The following SLC49A4 variants were observed in gnomAD, a reference collection of about 807,000 sequenced individuals.
SLC49A4 encodes solute carrier family 49 member 4, also known as disrupted in renal cancer protein 2.
Under a neutral mutation model 50.6 loss-of-function variants are expected in SLC49A4, and 36 were observed. The ratio of observed to expected loss-of-function variants is 0.71; its 90% CI spans 0.55 to 0.94. The LOEUF is 0.94. Among genes scored for constraint, SLC49A4 ranks in the 40% least tolerant of loss-of-function variants. The pLI, the probability that SLC49A4 is intolerant of heterozygous loss-of-function variation, is 0.00. For missense variants in SLC49A4, 503 were observed against 605.7 expected (o/e 0.83, Z 1.78); for synonymous variants, 248 against 241.2 (o/e 1.03, Z -0.26).
chr3:122,837,409 T>C (rs1475665859), intron 4 of SLC49A4, among the ~76,000 whole-genome samples: 2 of 152,054 alleles, frequency 1.3e-5, no homozygotes, highest in Non-Finnish European at 2.9e-5. Context: ...TAATGCCGCA[T>C]ATCTACAACT....
chr3:122,875,325 T>G (rs1407645216), intron 8 of SLC49A4, among the ~76,000 whole-genome samples: 1 of 152,170 alleles, frequency 6.6e-6, no homozygotes, highest in African/African-American at 2.4e-5. Context: ...AAAATTCAAC[T>G]ATTAGTTATG....
intron 1 of SLC49A4, among the ~76,000 whole-genome samples, chr3:122,804,503 A>C (rs16833532): frequency 0.042 from 6,401 of 152,280 alleles, 442 homozygotes; most frequent in African/African-American, 0.14. Flanking sequence ...ACATGGAATT[A>C]TAGAGTTATG....
chr3:122,833,571 A>C, intron 4 of SLC49A4, 125 bp downstream of exon 4: 1 of 802,794 alleles, frequency 1.2e-6, no homozygotes, highest in Non-Finnish European at 1.8e-6. Flanking sequence ...AGTAATTGAT[A>C]AAATACTAAT....
At chr3:122,796,153 G>A (rs1936035740) in intron 1 of SLC49A4, among the ~76,000 whole-genome samples, 1 of 152,146 alleles carries the variant, frequency 6.6e-6, no homozygotes, top group Non-Finnish European at 1.5e-5. Context: ...TGCTTAGAAT[G>A]GTACCCTGGA....
chr3:122,831,474 G>A (rs536026036), intron 3 of SLC49A4, among the ~76,000 whole-genome samples: 1 of 152,134 alleles, frequency 6.6e-6, no homozygotes, highest in African/African-American at 2.4e-5. Flanking sequence ...CAACATGAAT[G>A]ACCCTTGAGA....
At chr3:122,871,618 A>G (rs1269640738) in intron 7 of SLC49A4, among the ~76,000 whole-genome samples, 1 of 152,144 alleles carries the variant, frequency 6.6e-6, no homozygotes, top group Non-Finnish European at 1.5e-5. Context: ...TAGGTTTCTA[A>G]ATAGGGTATC....
Position 122,860,131 on chromosome 3 carries a change from G to C in SLC49A4, c.1067G>C (p.Gly356Ala). 2.5e-6 allele frequency: 4 copies of C among 1,613,294 alleles called. No individual in the cohort carries two copies. Among genetic ancestry groups the C allele is most frequent in the Non-Finnish European group, 3.4e-6 (4 of 1,179,620 alleles). ...LKLILLLLFS[G>A]ATLSSTWFTL... The stretch of plus-strand genomic sequence containing the variant: ...CTAATTCTTCTCCTCCTGTTTTCGG[G>C]AGCTACACTGTCATCCACGTGGTTC... The change falls in exon 7 of 9, where the codon GGA becomes GCA. Residue 356 changes from glycine (G) to alanine (A), a missense_variant. Physicochemically the swap from Gly to Ala is moderately conservative, Grantham distance 60. Coordinates refer to ENST00000261038, the MANE Select transcript of SLC49A4 (RefSeq NM_032839.3).
At chr3:122,815,616 C>T (rs539188922) in intron 2 of SLC49A4, among the ~76,000 whole-genome samples, 1 of 152,336 alleles carries the variant, frequency 6.6e-6, no homozygotes, top group East Asian at 1.9e-4. Context: ...ATGTAGAGAA[C>T]ATACTCATCC....
chr3:122,845,860 C>G lies in SLC49A4; in HGVS notation c.931C>G (p.His311Asp), dbSNP rs762448225. The G allele has an allele frequency of 6.2e-7, 1 of 1,606,202 alleles. No individual in the cohort carries two copies. The highest frequency in any genetic ancestry group is 8.5e-7 in the Non-Finnish European group (1 of 1,175,108). The change falls in exon 5 of 9, where the codon CAT (histidine) becomes GAT (aspartate). Residue 311 changes from histidine (H) to aspartate (D), a missense_variant. Physicochemically the swap from His to Asp is moderately conservative, Grantham distance 81 (BLOSUM62 -1). Transcript: ENST00000261038. ...GVLDLILTPA[H>D]VSQVDAGWIG... is the part of the protein sequence containing the mutation. ...TCTGGACTTAATTTTAACACCAGCG[C>G]ATGTCAGCCAAGTAAGTATTTTATT...
intron 2 of SLC49A4, among the ~76,000 whole-genome samples, chr3:122,808,077 A>T (rs534046143): frequency 6.6e-6 from 1 of 152,220 alleles, no homozygotes; most frequent in African/African-American, 2.4e-5. Flanking sequence ...AACAGAATTC[A>T]CTGAGCTTCT....
At chr3:122,805,721 A>T in intron 1 of SLC49A4, among the ~76,000 whole-genome samples, 1 of 152,192 alleles carries the variant, frequency 6.6e-6, no homozygotes, top group East Asian at 1.9e-4. Flanking sequence ...CAACAATAGG[A>T]GGATAGAGTT....
intron 7 of SLC49A4, among the ~76,000 whole-genome samples, chr3:122,864,642 A>G (rs1474897871): frequency 2.0e-5 from 3 of 152,198 alleles, no homozygotes; most frequent in Admixed American, 2.0e-4. Flanking sequence ...GCTAGACAGA[A>G]GCCCCCAGGG....
intron 4 of SLC49A4, among the ~76,000 whole-genome samples, chr3:122,841,443 G>A (rs909223608): frequency 6.6e-5 from 10 of 152,164 alleles, no homozygotes; most frequent in African/African-American, 2.4e-4. Context: ...CAATATCAGT[G>A]ATGGATGATG....
intron 7 of SLC49A4, among the ~76,000 whole-genome samples, chr3:122,870,308 TG>T (rs1487337704): frequency 6.6e-6 from 1 of 151,968 alleles, no homozygotes; most frequent in Non-Finnish European, 1.5e-5. Flanking sequence ...TTTTGGTCAA[TG>T]GTTCTCTGTC....
intron 5 of SLC49A4, among the ~76,000 whole-genome samples, chr3:122,849,695 T>G (rs1936900230): frequency 6.6e-6 from 1 of 152,192 alleles, no homozygotes; most frequent in South Asian, 2.1e-4. Context: ...GCTGTTGAGT[T>G]GCTTGGGTTC....
rs78811287 is a variant in SLC49A4, at chr3:122,860,841, A to G, written c.1138+639A>G. ...AAACAACAGAAATTTATTATCTTAC[A>G]TTTCTGTAGAGTAGAAGTTCAATAC... On this transcript the variant is annotated intron_variant, in intron 7 of 8. Coordinates refer to ENST00000261038, the MANE Select transcript of SLC49A4 (RefSeq NM_032839.3). 9.8e-3 allele frequency among the ~76,000 whole-genome samples: 1,488 copies of G among 152,296 alleles called. 25 individuals carry two copies. Among genetic ancestry groups the G allele is most frequent in the African/African-American group, 0.034 (1,432 of 41,558 alleles).
At position 122,826,809 on chromosome 3, in the gene SLC49A4, T is replaced by C; in HGVS notation, c.447T>C (p.His149=). 1.9e-6 allele frequency: 3 copies of C among 1,613,186 alleles called. No homozygotes were observed. Among genetic ancestry groups the C allele is most frequent in the Non-Finnish European group, 2.5e-6 (3 of 1,179,118 alleles). ...AATTTTTAAATTCCAGATTAATTCATGGAGGACAGATGTTAAATGGATTGG... is the reference window on the plus strand; with the variant it reads ...AATTTTTAAATTCCAGATTAATTCACGGAGGACAGATGTTAAATGGATTGG... The part of the protein sequence containing the change: ...SDLILKRRLI[H]GGQMLNGLAG... The change falls in exon 3 of 9, where the codon CAT becomes CAC. Residue 149 remains histidine, a synonymous_variant. Transcript: ENST00000261038.
At chr3:122,817,021 C>A (rs1054302103) in intron 2 of SLC49A4, among the ~76,000 whole-genome samples, 3 of 152,264 alleles carry the variant, frequency 2.0e-5, no homozygotes, top group Admixed American at 2.0e-4. Context: ...GGCAAATTGG[C>A]TACCTATTTG....
chr3:122,805,042 C>G (rs528565274), intron 1 of SLC49A4, among the ~76,000 whole-genome samples: 1 of 152,062 alleles, frequency 6.6e-6, no homozygotes, highest in East Asian at 1.9e-4. Flanking sequence ...AGCCTATGGT[C>G]CCCAACCTAT....
Sources: gnomAD v4.1 joint callset for allele counts (sites outside exome capture counted in the v4.1 genomes callset) on GRCh38, gnomAD v4.1.1 for gene constraint, MANE v1.5 for transcripts, NCBI Gene and HGNC (gene_info 2026-07-23, HGNC 2026-07-21) for gene names.